MFSD11: variants seen among roughly 807,000 people sequenced by gnomAD.
The protein encoded by MFSD11 is UNC93-like protein MFSD11.
MFSD11 carries 36 observed loss-of-function variants against 53.5 expected under a neutral mutation model. The observed-to-expected ratio is 0.67, with a 90% CI of 0.52 to 0.89. The LOEUF is 0.89. Among genes scored for constraint, MFSD11 ranks in the 40% least tolerant of loss-of-function variants. The pLI, the probability that MFSD11 is intolerant of heterozygous loss-of-function variation, is 0.00. For missense variants in MFSD11, 530 were observed against 543.9 expected (o/e 0.97, Z 0.25); for synonymous variants, 186 against 184.9 (o/e 1.01, Z -0.05).
downstream of MFSD11, among the ~76,000 whole-genome samples, chr17:76,782,916 C>T (rs113644948): frequency 0.059 from 9,034 of 151,916 alleles, 917 homozygotes; most frequent in African/African-American, 0.2. Flanking sequence ...CGGTGGCTCA[C>T]GCCTATAATC....
chr17:76,799,266 C>T, the MFSD11 span: 3 of 151,980 alleles, frequency 2.0e-5, no homozygotes, highest in South Asian at 6.2e-4. Context: ...AGGTGCCCAC[C>T]ACAATGCCTG....
Position 76,741,191 on chromosome 17 carries a change from G to A in MFSD11, c.260+127G>A, listed in dbSNP as rs2078053337. The A allele has an allele frequency of 2.0e-5, 13 of 659,924 alleles. No individual in the cohort carries two copies. In the Middle Eastern group the frequency reaches 2.3e-3, roughly 118 times the overall value. 40.9% of individuals were successfully genotyped at this position (659,924 alleles called of 1,614,324 possible). ...ATATAGGTGGTATTTTACGAATTTT[G>A]GCTCAGTACTTGTTGCTCAGGGATA... On this transcript the variant is annotated intron_variant, in intron 3 of 12. Coordinates refer to ENST00000685175, the MANE Select transcript of MFSD11 (RefSeq NM_001242532.5).
chr17:76,736,750 C>T (rs998771977), upstream of MFSD11: 16 of 1,395,284 alleles, frequency 1.1e-5, no homozygotes, highest in Non-Finnish European at 9.2e-7. Flanking sequence ...TCGCCCGGGC[C>T]TCCCGCGCGC....
In MFSD11 at chr17:76,778,186, A is replaced by C. The variant is rs746562630; in HGVS notation, c.1186-2A>C. 1 of 1,614,034 alleles carries C rather than the reference A, an allele frequency of 6.2e-7. No homozygotes were observed. The highest frequency in any genetic ancestry group is 8.5e-7 in the Non-Finnish European group (1 of 1,179,996). On this transcript the variant is annotated splice_acceptor_variant, in intron 12 of 12. Transcript: ENST00000685175. LOFTEE classifies it high-confidence loss of function. ...GTTGTGATTTGTTTTGTTTGTTCTT[A>C]GTCTATTTGCGCAGCCGTGGCATTT...
intron 7 of MFSD11, among the ~76,000 whole-genome samples, chr17:76,744,887 A>C (rs1347038604): frequency 6.6e-6 from 1 of 152,248 alleles, no homozygotes; most frequent in Non-Finnish European, 1.5e-5. Flanking sequence ...TGGCAGGGCC[A>C]GTGATGGTTG....
intron 7 of MFSD11, among the ~76,000 whole-genome samples, chr17:76,744,697 C>T (rs1198131294): frequency 6.6e-6 from 1 of 152,204 alleles, no homozygotes; most frequent in African/African-American, 2.4e-5. Flanking sequence ...TGTTCCTGGC[C>T]TTGCCACTGA....
rs746114479 is a variant in MFSD11 at position 76,769,888 on chromosome 17, A to C, written c.874+17A>C. On this transcript the variant is annotated intron_variant, in intron 10 of 12. Coordinates refer to ENST00000685175, the MANE Select transcript of MFSD11 (RefSeq NM_001242532.5). ...AAATTTTAGGTTGGTTTTAAAAAAA[A>C]GCGTTTGCATTAAAAATATCAGTTT... 32 of 1,602,360 alleles carry C rather than the reference A, an allele frequency of 2.0e-5. No homozygotes were observed. The highest frequency in any genetic ancestry group is 2.5e-5 in the Non-Finnish European group (30 of 1,176,948).
chr17:76,744,498 A>T, intron 7 of MFSD11, 32 bp downstream of exon 7: 1 of 1,592,014 alleles, frequency 6.3e-7, no homozygotes, highest in Non-Finnish European at 8.5e-7. Flanking sequence ...ATTTTATTTT[A>T]AAATAGATTT....
chr17:76,745,825 T>TTATG (rs1280004888), intron 7 of MFSD11, among the ~76,000 whole-genome samples: 1 of 151,490 alleles, frequency 6.6e-6, no homozygotes, highest in Non-Finnish European at 1.5e-5. Flanking sequence ...ATTTATTTAT[T>TTATG]TATTTATTTA....
At chr17:76,802,078 C>T in the MFSD11 span, among the ~76,000 whole-genome samples, 21 of 151,834 alleles carry the variant, frequency 1.4e-4, 1 homozygote, top group African/African-American at 4.3e-4. Context: ...AGACCAGCCT[C>T]GCCAACTTGG....
At chr17:76,790,588 G>GA in the MFSD11 span, among the ~76,000 whole-genome samples, 1 of 146,964 alleles carries the variant, frequency 6.8e-6, no homozygotes, top group Non-Finnish European at 1.5e-5. Flanking sequence ...AAAGTGCTGG[G>GA]ATTACAGGCG....
intron 8 of MFSD11, among the ~76,000 whole-genome samples, chr17:76,762,656 C>CA (rs35436399): frequency 1.6e-3 from 122 of 76,124 alleles, no homozygotes; most frequent in African/African-American, 4.3e-3. Flanking sequence ...ACTCCGTCTC[C>CA]AAAAAAAAAA....
At chr17:76,754,143 G>T in intron 8 of MFSD11, 56 bp downstream of exon 8, 1 of 1,441,580 alleles carries the variant, frequency 6.9e-7, no homozygotes, top group Non-Finnish European at 9.7e-7. Context: ...CTCGGCATTT[G>T]CCTTTCCCCT....
intron 7 of MFSD11, among the ~76,000 whole-genome samples, chr17:76,752,747 G>A (rs1437149422): frequency 2.6e-5 from 4 of 152,118 alleles, no homozygotes; most frequent in African/African-American, 9.7e-5. Flanking sequence ...TGCAGGTTGC[G>A]ACGAAGACCC....
At chr17:76,768,038 C>T (rs1428052067) in intron 9 of MFSD11, among the ~76,000 whole-genome samples, 2 of 152,188 alleles carry the variant, frequency 1.3e-5, no homozygotes, top group Admixed American at 6.5e-5. Context: ...TGCAGTGGCT[C>T]ACGCCTGTAA....
At chr17:76,785,816 C>T (rs1194865087), downstream of MFSD11, among the ~76,000 whole-genome samples, 2 of 151,936 alleles carry the variant, frequency 1.3e-5, no homozygotes, top group Admixed American at 6.6e-5. Flanking sequence ...CATGGTGGCT[C>T]ATGCCTAAAA....
chr17:76,744,669 G>A (rs982717844), intron 7 of MFSD11, among the ~76,000 whole-genome samples: 3 of 152,226 alleles, frequency 2.0e-5, no homozygotes, highest in South Asian at 2.1e-4. Flanking sequence ...GTGAAAAGGT[G>A]CACAGGGAAG....
intron 8 of MFSD11, among the ~76,000 whole-genome samples, chr17:76,757,713 C>G (rs2079792489): frequency 6.6e-6 from 1 of 152,020 alleles, no homozygotes; most frequent in African/African-American, 2.4e-5. Context: ...TGAAAACAGC[C>G]AAGAAAATGT....
chr17:76,754,249 C>T (rs116719), intron 8 of MFSD11, 162 bp downstream of exon 8: 556,553 of 578,832 alleles, frequency 0.96, 270,200 homozygotes, highest in Non-Finnish European at 1. Flanking sequence ...CAACATCTCT[C>T]TAACATGGGG....
Sources: allele counts gnomAD v4.1 joint callset (sites outside exome capture counted in the v4.1 genomes callset), GRCh38; gene constraint gnomAD v4.1.1; transcripts MANE v1.5; gene names NCBI Gene and HGNC (gene_info 2026-07-23, HGNC 2026-07-21).